KAZN: variants seen among roughly 807,000 people sequenced by gnomAD.
The protein encoded by KAZN is kazrin.
KAZN carries 40 observed loss-of-function variants against 87.4 expected under a neutral mutation model. The observed-to-expected ratio is 0.46, with a 90% CI of 0.36 to 0.60. KAZN has a LOEUF of 0.60. KAZN is among the 20% of genes least tolerant of loss of function. The probability of loss-of-function intolerance (pLI) is 0.00; values close to 1 mark genes in which losing one functional copy is unlikely to be tolerated. For missense variants in KAZN, 898 were observed against 1,073.9 expected (o/e 0.84, Z 2.29); for synonymous variants, 466 against 458.3 (o/e 1.02, Z -0.22).
At position 14,391,059 on chromosome 1, in the gene KAZN, C is replaced by G. The variant is rs116057109; in HGVS notation, c.250-207924C>G. ...GGAACTGGCTTGGGTGTTAACAGAG[C>G]CACTCTGGCTGATGTGATGAACATC... is the stretch of plus-strand genomic sequence containing the variant. On this transcript the variant is annotated intron_variant, in intron 2 of 16. Transcript: ENST00000636203. 2.9e-3 allele frequency among the ~76,000 whole-genome samples: 446 copies of G among 152,328 alleles called. 2 individuals carry two copies. The highest frequency in any genetic ancestry group is 9.7e-3 in the African/African-American group (405 of 41,572).
chr1:14,515,595 C>A (rs1261718676), intron 2 of KAZN, among the ~76,000 whole-genome samples: 3 of 152,184 alleles, frequency 2.0e-5, no homozygotes, highest in Admixed American at 6.5e-5. Flanking sequence ...GAGCTCCAGG[C>A]CACTAACCTC....
intron 2 of KAZN, among the ~76,000 whole-genome samples, chr1:14,226,639 A>C (rs141924247): frequency 6.6e-6 from 1 of 152,212 alleles, no homozygotes; most frequent in African/African-American, 2.4e-5. Context: ...TAGCAAAGAC[A>C]TAGAATCAAC....
At chr1:14,553,427 C>T (rs1192661981) in intron 2 of KAZN, among the ~76,000 whole-genome samples, 1 of 152,200 alleles carries the variant, frequency 6.6e-6, no homozygotes, top group African/African-American at 2.4e-5. Context: ...AATTCAAAAC[C>T]ATGTTCCGCC....
In KAZN at chr1:13,996,272, G is replaced by A. The variant is rs957372517; in HGVS notation, c.91+102516G>A. On this transcript the variant is annotated intron_variant, in intron 1 of 16. Coordinates refer to the KAZN transcript ENST00000636203. ...CCTAGAGTCCCAACCCCCGAGCCGC[G>A]CAGATTCTCAACAGCCTCTCAGCTG... 4.6e-5 allele frequency among the ~76,000 whole-genome samples: 7 copies of A among 152,166 alleles called. No homozygotes were observed. In the East Asian group the frequency reaches 7.7e-4, roughly 17 times the overall value.
intron 1 of KAZN, among the ~76,000 whole-genome samples, chr1:14,950,766 G>A (rs918020925): frequency 5.3e-5 from 8 of 152,098 alleles, no homozygotes; most frequent in African/African-American, 1.7e-4. Context: ...AGACACTGAG[G>A]TTCTGTGACC....
Position 14,996,900 on chromosome 1 carries a change from G to A in KAZN, c.418+36025G>A, listed in dbSNP as rs1277376626. Reference sequence around the variant, plus strand: ...ACCCACCTCCCTGCCTGACCTCACCGCCCCAGGAAGCTTAGTCACGTTGCC... The same window carrying A: ...ACCCACCTCCCTGCCTGACCTCACCACCCCAGGAAGCTTAGTCACGTTGCC... On this transcript the variant is annotated intron_variant, in intron 2 of 14. Transcript: ENST00000376030. The surrounding 1 kb of genome is among the most constrained non-coding windows in gnomAD (Gnocchi z 5.9). 4.6e-5 allele frequency among the ~76,000 whole-genome samples: 7 copies of A among 152,176 alleles called. No homozygotes were observed. The South Asian group carries it at 6.2e-4, about 14-fold the overall frequency.
chr1:14,174,508 A>G (rs1338959774), intron 1 of KAZN, among the ~76,000 whole-genome samples: 1 of 152,154 alleles, frequency 6.6e-6, no homozygotes, highest in Non-Finnish European at 1.5e-5. Flanking sequence ...GCAGGCTCTA[A>G]ATGGCTAAAC....
At chr1:13,908,103 G>A (rs915950501) in intron 1 of KAZN, among the ~76,000 whole-genome samples, 8 of 152,366 alleles carry the variant, frequency 5.3e-5, no homozygotes, top group African/African-American at 1.7e-4. Context: ...CAGCCACATT[G>A]TGGCAGTCCA....
chr1:14,801,973 C>T (rs11802293), intron 1 of KAZN, among the ~76,000 whole-genome samples: 23,555 of 152,006 alleles, frequency 0.15, 1,988 homozygotes, highest in African/African-American at 0.18. Flanking sequence ...CGTCGGCCAC[C>T]GTGCCTGGCC....
intron 1 of KAZN, among the ~76,000 whole-genome samples, chr1:14,723,459 G>A (rs1279423951): frequency 1.3e-5 from 2 of 152,206 alleles, no homozygotes; most frequent in Non-Finnish European, 2.9e-5. Context: ...GCTCATCACG[G>A]CCTGTGGCCT....
chr1:14,891,757 T>C (rs1654743652), intron 1 of KAZN, among the ~76,000 whole-genome samples: 1 of 152,238 alleles, frequency 6.6e-6, no homozygotes, highest in Admixed American at 6.5e-5. Flanking sequence ...AGTGGGATTT[T>C]ACAGGTGATT....
At chr1:14,130,172 C>T (rs539692998) in intron 1 of KAZN, among the ~76,000 whole-genome samples, 4 of 152,120 alleles carry the variant, frequency 2.6e-5, no homozygotes, top group Non-Finnish European at 4.4e-5. Flanking sequence ...TAAGGGCTAT[C>T]GCCTCTCTCC....
chr1:14,253,073 T>C (rs929779040), intron 2 of KAZN, among the ~76,000 whole-genome samples: 1 of 148,416 alleles, frequency 6.7e-6, no homozygotes, highest in Non-Finnish European at 1.5e-5. Flanking sequence ...ATACACTTAC[T>C]ATGTTACAAG....
At chr1:14,320,327 A>C (rs1557637578) in intron 2 of KAZN, among the ~76,000 whole-genome samples, 1 of 152,126 alleles carries the variant, frequency 6.6e-6, no homozygotes, top group African/African-American at 2.4e-5. Context: ...TTCTTGAGGG[A>C]TTATAATCTA....
intron 1 of KAZN, among the ~76,000 whole-genome samples, chr1:14,671,752 C>G (rs1424485433): frequency 6.6e-6 from 1 of 152,176 alleles, no homozygotes; most frequent in African/African-American, 2.4e-5. Context: ...TATCTCTTTT[C>G]AATTCACTGC....
At chr1:14,874,594 C>A (rs1652551983) in intron 1 of KAZN, among the ~76,000 whole-genome samples, 1 of 152,198 alleles carries the variant, frequency 6.6e-6, no homozygotes, top group South Asian at 2.1e-4. Flanking sequence ...CATCTTGTCA[C>A]CTGTGACAGC....
At chr1:14,298,819 A>G (rs1292038587) in intron 2 of KAZN, among the ~76,000 whole-genome samples, 3 of 152,248 alleles carry the variant, frequency 2.0e-5, no homozygotes, top group Non-Finnish European at 4.4e-5. Context: ...AATAGAGTAT[A>G]CAAATGATTT....
intron 1 of KAZN, among the ~76,000 whole-genome samples, chr1:14,630,385 G>A (rs993025620): frequency 1.3e-5 from 2 of 152,118 alleles, no homozygotes; most frequent in Non-Finnish European, 2.9e-5. Flanking sequence ...ACCGTTGTCT[G>A]TATACTCAAC....
chr1:14,359,474 C>G (rs1014104761), intron 2 of KAZN, among the ~76,000 whole-genome samples: 3 of 152,142 alleles, frequency 2.0e-5, no homozygotes, highest in Non-Finnish European at 4.4e-5. Flanking sequence ...TTGATTCTGT[C>G]ATTATGACAC....
Sources: allele counts gnomAD v4.1 joint callset (sites outside exome capture counted in the v4.1 genomes callset), GRCh38; gene constraint gnomAD v4.1.1; non-coding constraint Gnocchi (gnomAD v3.1); transcripts MANE v1.5; gene names NCBI Gene and HGNC (gene_info 2026-07-23, HGNC 2026-07-21).